The following FSTL5 variants were observed in gnomAD, a reference collection of about 807,000 sequenced individuals.
FSTL5 encodes follistatin-related protein 5.
FSTL5 carries 62 observed loss-of-function variants against 89.1 expected under a neutral mutation model. The observed-to-expected ratio is 0.70, with a 90% CI of 0.57 to 0.86. FSTL5 has a LOEUF of 0.86. Among genes scored for constraint, FSTL5 ranks in the 40% least tolerant of loss-of-function variants. FSTL5 has a pLI of 0.00. For synonymous variants in FSTL5, 383 were observed against 346.2 expected, an observed-to-expected ratio of 1.11 and a Z score of -1.18; for missense variants, 1,057 against 1,001.6, an observed-to-expected ratio of 1.06 and a Z score of -0.75.
At chr4:162,124,056 A>C (rs1731974494) in intron 1 of FSTL5, among the ~76,000 whole-genome samples, 1 of 152,328 alleles carries the variant, frequency 6.6e-6, no homozygotes, top group Middle Eastern at 3.4e-3. Context: ...AGTTCAGAAA[A>C]TATATCCATA....
chr4:162,110,227 T>C (rs566405095), intron 2 of FSTL5, among the ~76,000 whole-genome samples: 1 of 152,104 alleles, frequency 6.6e-6, no homozygotes, highest in Non-Finnish European at 1.5e-5. Context: ...ATTTAGAAAA[T>C]TCCTTCACCT....
At chr4:162,134,222 G>A (rs1579054340) in intron 1 of FSTL5, among the ~76,000 whole-genome samples, 1 of 152,164 alleles carries the variant, frequency 6.6e-6, no homozygotes, top group African/African-American at 2.4e-5. Flanking sequence ...GAATCATCCT[G>A]GATATTTTAA....
intron 6 of FSTL5, among the ~76,000 whole-genome samples, chr4:161,693,677 C>G (rs190936322): frequency 9.7e-6 from 1 of 103,326 alleles, no homozygotes; most frequent in Non-Finnish European, 1.8e-5. Flanking sequence ...CTCACTCTTT[C>G]GCCCAGGCCG....
intron 4 of FSTL5, among the ~76,000 whole-genome samples, chr4:161,859,707 C>G (rs1731839193): frequency 6.6e-6 from 1 of 152,100 alleles, no homozygotes; most frequent in African/African-American, 2.4e-5. Context: ...GCCTTTATTT[C>G]TATCTTAGAG....
intron 6 of FSTL5, among the ~76,000 whole-genome samples, chr4:161,696,706 C>T (rs959836182): frequency 6.6e-6 from 1 of 152,002 alleles, no homozygotes; most frequent in African/African-American, 2.4e-5. Flanking sequence ...ATATTTTTTG[C>T]AGCTATTGTA....
chr4:162,106,524 A>G (rs1457429713), intron 2 of FSTL5, among the ~76,000 whole-genome samples: 1 of 152,206 alleles, frequency 6.6e-6, no homozygotes, highest in African/African-American at 2.4e-5. Context: ...ATTAATACAT[A>G]CATATTACAT....
chr4:161,862,712 CAGAG>C (rs1164567272), intron 4 of FSTL5, among the ~76,000 whole-genome samples: 2 of 151,952 alleles, frequency 1.3e-5, no homozygotes, highest in Non-Finnish European at 2.9e-5. Flanking sequence ...ACCCTGGTGA[CAGAG>C]AGAGACTCCA....
chr4:161,408,612 C>T (rs748738189), intron 15 of FSTL5, among the ~76,000 whole-genome samples: 6 of 152,044 alleles, frequency 3.9e-5, no homozygotes, highest in Non-Finnish European at 5.9e-5. Context: ...ATTCAGAATC[C>T]AGATGGCAAG....
chr4:161,947,886 C>T (rs1734779020), intron 3 of FSTL5, among the ~76,000 whole-genome samples: 1 of 151,818 alleles, frequency 6.6e-6, no homozygotes, highest in Admixed American at 6.6e-5. Context: ...TTTAGGCTTT[C>T]CATAGAGAGA....
chr4:162,098,376 T>C (rs1730849840), intron 2 of FSTL5, among the ~76,000 whole-genome samples: 3 of 152,032 alleles, frequency 2.0e-5, no homozygotes, highest in Admixed American at 2.0e-4. Context: ...ATGATGACAT[T>C]CTATATCTTC....
chr4:161,994,750 G>A (rs1435274730), intron 3 of FSTL5, among the ~76,000 whole-genome samples: 1 of 152,096 alleles, frequency 6.6e-6, no homozygotes. Context: ...TTCCAAATGT[G>A]TTTAAGTTCC....
chr4:161,922,541 C>T (rs902055334), intron 3 of FSTL5, among the ~76,000 whole-genome samples: 2 of 151,918 alleles, frequency 1.3e-5, no homozygotes, highest in African/African-American at 4.8e-5. Flanking sequence ...TCCACCTCAC[C>T]CCAGAGTTTC....
chr4:161,714,091 G>T (rs1318762378), intron 6 of FSTL5, among the ~76,000 whole-genome samples: 1 of 151,900 alleles, frequency 6.6e-6, no homozygotes, highest in Non-Finnish European at 1.5e-5. Context: ...TTTTCTGTTT[G>T]TTGGTCACTC....
At chr4:161,454,756 AT>A (rs1733288323) in intron 15 of FSTL5, among the ~76,000 whole-genome samples, 1 of 152,210 alleles carries the variant, frequency 6.6e-6, no homozygotes, top group Non-Finnish European at 1.5e-5. Flanking sequence ...CGTTAAAGTG[AT>A]TTTTAAAAAT....
intron 4 of FSTL5, among the ~76,000 whole-genome samples, chr4:161,796,850 T>A (rs1729646056): frequency 6.6e-6 from 1 of 151,596 alleles, no homozygotes; most frequent in Non-Finnish European, 1.5e-5. Flanking sequence ...CTTACTCTCA[T>A]TTCTCAAAGT....
intron 6 of FSTL5, among the ~76,000 whole-genome samples, chr4:161,675,247 T>A (rs374558644): frequency 6.6e-6 from 1 of 151,480 alleles, no homozygotes; most frequent in Non-Finnish European, 1.5e-5. Flanking sequence ...AGTGTTATTC[T>A]TTCTATAAAA....
At chr4:161,783,488 T>A (rs1262795198) in intron 4 of FSTL5, among the ~76,000 whole-genome samples, 1 of 151,806 alleles carries the variant, frequency 6.6e-6, no homozygotes, top group Non-Finnish European at 1.5e-5. Flanking sequence ...ATGTCTTCTT[T>A]CTTTCTTTCT....
At chr4:161,594,896 A>T (rs1211720771) in intron 7 of FSTL5, among the ~76,000 whole-genome samples, 2 of 152,048 alleles carry the variant, frequency 1.3e-5, no homozygotes, top group East Asian at 3.9e-4. Context: ...AAATTTTATC[A>T]TTTAAACAAC....
chr4:161,686,318 ATATATATATATATATATATATATATATAT>A (rs1737716294), intron 6 of FSTL5, among the ~76,000 whole-genome samples: 4 of 4,066 alleles, frequency 9.8e-4, no homozygotes, highest in Admixed American at 5.3e-3. Flanking sequence ...ATATATATAT[ATATATATATATATATATATATATATATAT>A]TTTTTTTTTT....
Sources: allele counts gnomAD v4.1 joint callset (sites outside exome capture counted in the v4.1 genomes callset), GRCh38; gene constraint gnomAD v4.1.1; transcripts MANE v1.5; gene names NCBI Gene and HGNC (gene_info 2026-07-23, HGNC 2026-07-21).